POLR2H: variants seen among roughly 807,000 people sequenced by gnomAD.
POLR2H encodes RNA polymerase II, I and III subunit H.
Under a neutral mutation model 18.1 loss-of-function variants are expected in POLR2H, and 3 were observed. The observed-to-expected ratio is 0.17, with a 90% CI of 0.08 to 0.43. POLR2H has a LOEUF of 0.43. Ranked by LOEUF, POLR2H falls within the 20% of genes least tolerant of loss-of-function variation. POLR2H has a pLI of 0.99. For missense variants in POLR2H, 103 were observed against 184.6 expected (o/e 0.56, Z 2.56); for synonymous variants, 76 against 69.0 (o/e 1.10, Z -0.50).
In POLR2H at chr3:184,363,546, G is replaced by A. The variant is rs1322037141; in HGVS notation, c.54G>A (p.Glu18=). The change falls in exon 2 of 6, where the codon GAG becomes GAA. Residue 18 remains glutamate (E), a synonymous_variant. Coordinates refer to ENST00000456318, the MANE Select transcript of POLR2H (RefSeq NM_006232.5). ...TCGATGTGAAGGATATTGACCCGGA[G>A]GGCAAGAAGTTTGACCGAGGTAAGT... ...DIFDVKDIDP[E]GKKFDRVSRL... 2.5e-6 allele frequency: 4 copies of A among 1,613,954 alleles called. No homozygotes were observed. In the East Asian group the frequency reaches 6.7e-5, roughly 27 times the overall value.
chr3:184,367,768 G>C (rs1414923668), intron 5 of POLR2H, among the ~76,000 whole-genome samples: 1 of 152,138 alleles, frequency 6.6e-6, no homozygotes, highest in Non-Finnish European at 1.5e-5. Context: ...GGGATTACAG[G>C]TGTGAGCCAC....
In POLR2H at chr3:184,368,322, A is replaced by C; in HGVS notation, c.*28A>C. 6.4e-7 allele frequency: 1 copy of C among 1,552,078 alleles called. No homozygotes were observed. Among genetic ancestry groups the C allele is most frequent in the South Asian group, 1.2e-5 (1 of 81,186 alleles). On this transcript the variant is annotated 3_prime_UTR_variant, in exon 6 of 6. Coordinates refer to ENST00000456318, the MANE Select transcript of POLR2H (RefSeq NM_006232.5). ...CTCGCCTGAAGCCAGCCTCTCTGCC[A>C]AGTCACTCAGGTCATGGGCATTGTT...
At chr3:184,364,648 G>T in intron 2 of POLR2H, 1 of 392,094 alleles carries the variant, frequency 2.6e-6, no homozygotes, top group Non-Finnish European at 4.6e-6. Flanking sequence ...ACTCCCCTCA[G>T]CACAGTGCCT....
intron 5 of POLR2H, among the ~76,000 whole-genome samples, chr3:184,367,167 G>T (rs916602947): frequency 7.3e-6 from 1 of 137,304 alleles, no homozygotes; most frequent in South Asian, 2.2e-4. Flanking sequence ...GTGTGTGTGT[G>T]TGTGGCTACT....
intron 5 of POLR2H, among the ~76,000 whole-genome samples, chr3:184,367,636 A>G (rs1290417700): frequency 3.3e-5 from 5 of 151,636 alleles, no homozygotes; most frequent in East Asian, 3.9e-4. Context: ...ACAGGCACCC[A>G]CCACCATGCC....
chr3:184,364,954 G>A lies in POLR2H; in HGVS notation c.74-12G>A. On this transcript the variant is annotated splice_polypyrimidine_tract_variant and intron_variant, in intron 2 of 5. Coordinates refer to ENST00000456318, the MANE Select transcript of POLR2H (RefSeq NM_006232.5). ...GCAATACCTCTGTCACTCTTTTCCT[G>A]CTTCTCCCCAGTGTCTCGACTGCAT... is the stretch of plus-strand genomic sequence containing the variant. 1 of 1,591,166 alleles carries A rather than the reference G, an allele frequency of 6.3e-7. No homozygotes were observed. The highest frequency in any genetic ancestry group is 8.6e-7 in the Non-Finnish European group (1 of 1,159,104).
chr3:184,365,849 G>C (rs1332956213), intron 4 of POLR2H, among the ~76,000 whole-genome samples: 1 of 150,134 alleles, frequency 6.7e-6, no homozygotes, highest in Admixed American at 6.6e-5. Flanking sequence ...AGTGGCGGGC[G>C]CCTGTAGTCC....
At chr3:184,365,699 C>T (rs1285567793) in intron 4 of POLR2H, among the ~76,000 whole-genome samples, 1 of 151,082 alleles carries the variant, frequency 6.6e-6, no homozygotes, top group South Asian at 2.1e-4. Flanking sequence ...TCGGGCCGGG[C>T]GCGGTGGCTC....
chr3:184,365,167 G>T lies in POLR2H; in HGVS notation c.192G>T (p.Leu64Phe). Reference sequence around the variant, plus strand: ...TTCGGTTGGTCATAGCTAGTACCTTGTATGAAGATGGTACCCTGGATGATG... The same window carrying T: ...TTCGGTTGGTCATAGCTAGTACCTTTTATGAAGATGGTACCCTGGATGATG... ...DKFRLVIAST[L>F]YEDGTLDDGE... Residue 64 changes from leucine to phenylalanine, a missense_variant, in exon 4 of 6, where the codon TTG (leucine) becomes TTT (phenylalanine). Physicochemically the swap from Leu to Phe is conservative, Grantham distance 22. Transcript: ENST00000456318. The T allele has an allele frequency of 6.2e-7, 1 of 1,613,516 alleles. No homozygotes were observed. Among genetic ancestry groups the T allele is most frequent in the Non-Finnish European group, 8.5e-7 (1 of 1,179,418 alleles).
intron 4 of POLR2H, among the ~76,000 whole-genome samples, chr3:184,365,690 C>A (rs1268360536): frequency 6.7e-6 from 1 of 148,990 alleles, no homozygotes. Flanking sequence ...GAAAAAAATT[C>A]GGGCCGGGCG....
intron 5 of POLR2H, among the ~76,000 whole-genome samples, chr3:184,367,092 TTGTGTGTGTG>T (rs10575340): frequency 7.5e-4 from 111 of 147,864 alleles, no homozygotes; most frequent in African/African-American, 1.9e-3. Flanking sequence ...CTGTTAGGCT[TTGTGTGTGTG>T]TGTGTGTGTG....
At chr3:184,367,817 A>G (rs542938964) in intron 5 of POLR2H, among the ~76,000 whole-genome samples, 6 of 152,316 alleles carry the variant, frequency 3.9e-5, no homozygotes, top group African/African-American at 1.4e-4. Flanking sequence ...AAACGTTTCA[A>G]TAGTTGCATA....
Position 184,364,951 on chromosome 3 carries a change from C to A in POLR2H, c.74-15C>A. 1 of 1,585,012 alleles carries A rather than the reference C, an allele frequency of 6.3e-7. No individual in the cohort carries two copies. Among genetic ancestry groups the A allele is most frequent in the Non-Finnish European group, 8.7e-7 (1 of 1,153,506 alleles). On this transcript the variant is annotated splice_polypyrimidine_tract_variant and intron_variant, in intron 2 of 5. Transcript: ENST00000456318. Reference sequence around the variant, plus strand: ...TTGGCAATACCTCTGTCACTCTTTTCCTGCTTCTCCCCAGTGTCTCGACTG... The same window carrying A: ...TTGGCAATACCTCTGTCACTCTTTTACTGCTTCTCCCCAGTGTCTCGACTG...
intron 5 of POLR2H, among the ~76,000 whole-genome samples, chr3:184,367,127 T>TC (rs1713441651): frequency 6.9e-6 from 1 of 145,578 alleles, no homozygotes; most frequent in Non-Finnish European, 1.5e-5. Flanking sequence ...TGTGTGTGTT[T>TC]TGCTACTCTG....
At chr3:184,365,712 G>A (rs1240216112) in intron 4 of POLR2H, among the ~76,000 whole-genome samples, 1 of 151,050 alleles carries the variant, frequency 6.6e-6, no homozygotes, top group African/African-American at 2.4e-5. Context: ...GGTGGCTCAC[G>A]CCTGTAATCC....
At chr3:184,367,436 A>G (rs1713506172) in intron 5 of POLR2H, among the ~76,000 whole-genome samples, 3 of 150,794 alleles carry the variant, frequency 2.0e-5, no homozygotes, top group South Asian at 2.1e-4. Context: ...TTTGCTTAAC[A>G]TTATGTAAAA....
intron 2 of POLR2H, 127 bp downstream of exon 2, chr3:184,363,692 C>T (rs1339403828): frequency 1.5e-6 from 1 of 664,268 alleles, no homozygotes; most frequent in Non-Finnish European, 2.7e-6. Flanking sequence ...GGACCTCCCT[C>T]AGTAAACATT....
At chr3:184,363,636 C>A in intron 2 of POLR2H, 71 bp downstream of exon 2, 1 of 1,232,028 alleles carries the variant, frequency 8.1e-7, no homozygotes. Context: ...GGCCCCGTGT[C>A]CACCCAGCTC....
At chr3:184,366,090 C>G (rs1560276595) in intron 4 of POLR2H, among the ~76,000 whole-genome samples, 1 of 152,084 alleles carries the variant, frequency 6.6e-6, no homozygotes. Flanking sequence ...GCTGAGTGAC[C>G]TAGGCCATGT....
Sources: allele counts gnomAD v4.1 joint callset (sites outside exome capture counted in the v4.1 genomes callset), GRCh38; gene constraint gnomAD v4.1.1; transcripts MANE v1.5; gene names NCBI Gene and HGNC (gene_info 2026-07-23, HGNC 2026-07-21).